Variants in DLGAP2 observed in about 807,000 individuals in gnomAD.
DLGAP2 encodes the protein disks large-associated protein 2.
A neutral mutation model predicts 100.3 loss-of-function variants in DLGAP2; 26 were observed. That is an observed-to-expected ratio of 0.26 (90% CI 0.19 to 0.36). The LOEUF (loss-of-function observed/expected upper bound fraction) is 0.36, where lower values mean the gene tolerates loss of function less well. Among genes scored for constraint, DLGAP2 ranks in the 10% least tolerant of loss-of-function variants. The pLI, the probability that DLGAP2 is intolerant of heterozygous loss-of-function variation, is 1.00. For missense variants in DLGAP2, 1,858 were observed against 1,453.2 expected, an observed-to-expected ratio of 1.28 and a Z score of -4.53; for synonymous variants, 886 against 630.1, an observed-to-expected ratio of 1.41 and a Z score of -6.08.
intron 3 of DLGAP2, among the ~76,000 whole-genome samples, chr8:1,469,602 C>G (rs1228952332): frequency 6.6e-6 from 1 of 152,206 alleles, no homozygotes; most frequent in South Asian, 2.1e-4. Flanking sequence ...CGTATTTTCA[C>G]TGGCAGCTCT....
At chr8:1,531,539 T>G (rs1800990414) in intron 4 of DLGAP2, among the ~76,000 whole-genome samples, 2 of 152,194 alleles carry the variant, frequency 1.3e-5, no homozygotes, top group Admixed American at 6.5e-5. Context: ...TTTTCTTATT[T>G]ACAGGAATCT....
chr8:1,509,623 A>T (rs1800086742), intron 4 of DLGAP2, among the ~76,000 whole-genome samples: 1 of 152,172 alleles, frequency 6.6e-6, no homozygotes, highest in Non-Finnish European at 1.5e-5. Context: ...CAGGTTCTGC[A>T]GGCAAAGCCT....
intron 4 of DLGAP2, among the ~76,000 whole-genome samples, chr8:1,535,145 G>A (rs191284832): frequency 6.6e-6 from 1 of 152,332 alleles, no homozygotes; most frequent in Admixed American, 6.5e-5. Context: ...AGTGCTGGCC[G>A]CTCCCCGACA....
intron 8 of DLGAP2, among the ~76,000 whole-genome samples, chr8:1,665,080 A>G (rs955266127): frequency 6.6e-6 from 1 of 152,244 alleles, no homozygotes; most frequent in Non-Finnish European, 1.5e-5. Flanking sequence ...TGTAGCAAAC[A>G]CATTATAAAG....
chr8:1,162,950 A>AT (rs1796920091), intron 2 of DLGAP2, among the ~76,000 whole-genome samples: 1 of 152,138 alleles, frequency 6.6e-6, no homozygotes, highest in Non-Finnish European at 1.5e-5. Flanking sequence ...CCATCTGGGG[A>AT]GGAAAGTCAG....
chr8:1,690,650 G>A (rs559236631), intron 12 of DLGAP2, among the ~76,000 whole-genome samples: 1 of 136,620 alleles, frequency 7.3e-6, no homozygotes, highest in Non-Finnish European at 1.5e-5. Context: ...GTTGCAGTGA[G>A]CCAGGATTGC....
At chr8:799,427 C>T (rs189081323) in intron 1 of DLGAP2, among the ~76,000 whole-genome samples, 1 of 152,080 alleles carries the variant, frequency 6.6e-6, no homozygotes, top group Non-Finnish European at 1.5e-5. Flanking sequence ...GAATTAGAGG[C>T]GTTTGATGTG....
intron 3 of DLGAP2, among the ~76,000 whole-genome samples, chr8:1,383,436 C>T (rs904843578): frequency 3.3e-5 from 5 of 152,172 alleles, no homozygotes; most frequent in African/African-American, 1.2e-4. Flanking sequence ...TCAAATGGTA[C>T]GGTATGTGTT....
At chr8:1,512,814 A>C (rs958639270) in intron 4 of DLGAP2, among the ~76,000 whole-genome samples, 16 of 152,216 alleles carry the variant, frequency 1.1e-4, no homozygotes, top group African/African-American at 3.9e-4. Flanking sequence ...ACATTTTCTA[A>C]AGACAGGTCA....
intron 4 of DLGAP2, among the ~76,000 whole-genome samples, chr8:1,514,815 G>A (rs1239691845): frequency 1.3e-5 from 2 of 152,248 alleles, no homozygotes. Flanking sequence ...AGGCCGGCCT[G>A]AGTCCGGAGG....
chr8:1,437,455 C>G (rs941653217), intron 3 of DLGAP2, among the ~76,000 whole-genome samples: 1 of 152,130 alleles, frequency 6.6e-6, no homozygotes, highest in African/African-American at 2.4e-5. Context: ...TAGCGTAAGA[C>G]GATGTTTTCG....
intron 1 of DLGAP2, among the ~76,000 whole-genome samples, chr8:828,109 G>C (rs1796716072): frequency 6.6e-6 from 1 of 152,154 alleles, no homozygotes; most frequent in Non-Finnish European, 1.5e-5. Flanking sequence ...GAGATCACAG[G>C]ACCACAGGAC....
At chr8:1,530,482 T>G in intron 4 of DLGAP2, among the ~76,000 whole-genome samples, 1 of 152,168 alleles carries the variant, frequency 6.6e-6, no homozygotes, top group East Asian at 1.9e-4. Context: ...TGCTGTACAA[T>G]TTGTGCAGTT....
chr8:985,461 C>T (rs1020305565), intron 2 of DLGAP2, among the ~76,000 whole-genome samples: 6 of 152,234 alleles, frequency 3.9e-5, no homozygotes, highest in Non-Finnish European at 8.8e-5. Flanking sequence ...ATCCATGTGC[C>T]AGCACATCCG....
intron 3 of DLGAP2, among the ~76,000 whole-genome samples, chr8:1,336,215 A>T (rs185047675): frequency 2.2e-3 from 330 of 152,328 alleles, no homozygotes; most frequent in African/African-American, 7.6e-3. Context: ...GAATGTAACT[A>T]TTTTTGTTAA....
intron 3 of DLGAP2, among the ~76,000 whole-genome samples, chr8:1,386,366 C>T (rs1257070935): frequency 1.3e-5 from 2 of 152,184 alleles, no homozygotes; most frequent in African/African-American, 4.8e-5. Flanking sequence ...TGGAAAACTC[C>T]CATACACCAG....
At chr8:1,021,855 C>T (rs976416771) in intron 2 of DLGAP2, among the ~76,000 whole-genome samples, 4 of 152,232 alleles carry the variant, frequency 2.6e-5, no homozygotes, top group East Asian at 1.9e-4. Flanking sequence ...CTGCCTGTGA[C>T]GTGTTCCTCT....
Position 1,549,509 on chromosome 8 carries a change from G to T in DLGAP2, c.1056G>T (p.Ser352=), listed in dbSNP as rs373693698. ...TSKSNNDVKC[S]ACEGLALTPD... The stretch of plus-strand genomic sequence containing the variant: ...AGAGCAACAACGACGTCAAGTGCTC[G>T]GCCTGTGAGGGGTTGGCGCTGACGC... The change falls in exon 5 of 15, where the codon TCG becomes TCT. Residue 352 remains serine, a synonymous_variant. Transcript: ENST00000637795. 6.2e-7 allele frequency: 1 copy of T among 1,613,344 alleles called. No homozygotes were observed. Among genetic ancestry groups the T allele is most frequent in the African/African-American group, 1.3e-5 (1 of 74,936 alleles).
chr8:1,593,650 G>A (rs1796357995), intron 6 of DLGAP2, among the ~76,000 whole-genome samples: 1 of 151,922 alleles, frequency 6.6e-6, no homozygotes, highest in South Asian at 2.1e-4. Flanking sequence ...CCAGGGGAGG[G>A]AAGGATCAGT....
Sources: gnomAD v4.1 joint callset for allele counts (sites outside exome capture counted in the v4.1 genomes callset) on GRCh38, gnomAD v4.1.1 for gene constraint, MANE v1.5 for transcripts, NCBI Gene and HGNC (gene_info 2026-07-23, HGNC 2026-07-21) for gene names.